The following DPP10 variants were observed in gnomAD, a reference collection of about 807,000 sequenced individuals.
The protein encoded by DPP10 is inactive dipeptidyl peptidase 10.
In DPP10, 33 loss-of-function variants were observed where a neutral mutation model predicts 120.9. The ratio of observed to expected loss-of-function variants is 0.27; its 90% CI spans 0.21 to 0.37. The LOEUF (loss-of-function observed/expected upper bound fraction) is 0.37. DPP10 is among the 10% of genes least tolerant of loss of function. The pLI is 1.00. For synonymous variants in DPP10, 337 were observed against 326.1 expected (o/e 1.03, Z -0.36); for missense variants, 816 against 942.8 (o/e 0.87, Z 1.76).
chr2:115,442,005 GA>G (rs1250965945), intron 3 of DPP10, among the ~76,000 whole-genome samples: 2 of 151,744 alleles, frequency 1.3e-5, no homozygotes, highest in East Asian at 3.9e-4. Flanking sequence ...GTAGAGACGG[GA>G]TTTCACCATG....
At chr2:115,496,511 T>C (rs1053873789) in intron 3 of DPP10, among the ~76,000 whole-genome samples, 1 of 152,190 alleles carries the variant, frequency 6.6e-6, no homozygotes, top group Non-Finnish European at 1.5e-5. Flanking sequence ...GAAATCATGA[T>C]GAATTTTCTT....
chr2:114,516,377 C>T (rs1684596421), intron 1 of DPP10, among the ~76,000 whole-genome samples: 3 of 152,138 alleles, frequency 2.0e-5, no homozygotes, highest in Non-Finnish European at 4.4e-5. Flanking sequence ...TCCATTCTTC[C>T]AGCCAGCTCT....
intron 3 of DPP10, among the ~76,000 whole-genome samples, chr2:115,365,356 C>A (rs552223065): frequency 6.6e-6 from 1 of 151,888 alleles, no homozygotes; most frequent in South Asian, 2.1e-4. Flanking sequence ...CACAGAGGAA[C>A]ATTTTCAAGT....
At chr2:114,630,800 T>C (rs921464412) in intron 1 of DPP10, among the ~76,000 whole-genome samples, 36 of 152,156 alleles carry the variant, frequency 2.4e-4, no homozygotes, top group African/African-American at 8.7e-4. Flanking sequence ...GTAAGGATAC[T>C]GTGTGCCCCC....
At chr2:115,681,221 C>T (rs1228278423) in intron 5 of DPP10, among the ~76,000 whole-genome samples, 8 of 151,580 alleles carry the variant, frequency 5.3e-5, no homozygotes, top group East Asian at 1.9e-4. Flanking sequence ...ATATCCTAAG[C>T]GTATGCAAAA....
At chr2:115,735,851 T>C (rs1158145781) in intron 8 of DPP10, among the ~76,000 whole-genome samples, 2 of 152,010 alleles carry the variant, frequency 1.3e-5, no homozygotes, top group African/African-American at 2.4e-5. Flanking sequence ...TTGTTAATTA[T>C]GTTGTTACAA....
intron 1 of DPP10, among the ~76,000 whole-genome samples, chr2:114,619,427 TGA>T (rs139703236): frequency 0.017 from 2,541 of 149,520 alleles, 38 homozygotes; most frequent in South Asian, 0.042. Flanking sequence ...ACACATATAG[TGA>T]GAGAGCCAGG....
chr2:115,648,612 T>TAAA (rs771052298), intron 5 of DPP10, among the ~76,000 whole-genome samples: 31 of 137,974 alleles, frequency 2.2e-4, no homozygotes, highest in African/African-American at 6.1e-4. Flanking sequence ...CCCCGGAACT[T>TAAA]AAAAAAAAAA....
chr2:115,490,987 TCA>T (rs767132972), intron 3 of DPP10, among the ~76,000 whole-genome samples: 1 of 152,082 alleles, frequency 6.6e-6, no homozygotes, highest in Non-Finnish European at 1.5e-5. Flanking sequence ...GTGTGTTGAC[TCA>T]CACCTGTAGT....
intron 1 of DPP10, among the ~76,000 whole-genome samples, chr2:115,182,235 C>T (rs570707512): frequency 6.6e-6 from 1 of 152,182 alleles, no homozygotes; most frequent in African/African-American, 2.4e-5. Flanking sequence ...AAATATACAG[C>T]TAGACTTCTC....
chr2:115,093,079 A>C (rs76496590), intron 1 of DPP10, among the ~76,000 whole-genome samples: 1 of 152,188 alleles, frequency 6.6e-6, no homozygotes, highest in Non-Finnish European at 1.5e-5. Context: ...GAAATAGTAG[A>C]GATAAGGTGA....
intron 5 of DPP10, among the ~76,000 whole-genome samples, chr2:115,563,243 A>G (rs1477789190): frequency 6.6e-6 from 1 of 152,158 alleles, no homozygotes; most frequent in Non-Finnish European, 1.5e-5. Context: ...GACTCATGGT[A>G]GTCGTCCTCA....
At chr2:115,312,604 T>C (rs2061627773) in intron 2 of DPP10, among the ~76,000 whole-genome samples, 1 of 152,120 alleles carries the variant, frequency 6.6e-6, no homozygotes, top group Admixed American at 6.6e-5. Flanking sequence ...GCTGTGTACG[T>C]CTGTGGTCAG....
chr2:114,605,064 C>T (rs912504514), intron 1 of DPP10, among the ~76,000 whole-genome samples: 1 of 151,980 alleles, frequency 6.6e-6, no homozygotes, highest in Non-Finnish European at 1.5e-5. Flanking sequence ...CAATATCAGT[C>T]CAAATACAGA....
intron 1 of DPP10, among the ~76,000 whole-genome samples, chr2:114,979,380 C>A (rs561646354): frequency 5.4e-4 from 82 of 152,066 alleles, no homozygotes; most frequent in Non-Finnish European, 1.5e-4. Context: ...TGTTTCCTAT[C>A]ATTTTGTTAC....
At chr2:115,769,479 G>C (rs981693449) in intron 13 of DPP10, among the ~76,000 whole-genome samples, 2 of 151,930 alleles carry the variant, frequency 1.3e-5, no homozygotes, top group African/African-American at 4.8e-5. Flanking sequence ...AATTAAAATA[G>C]TTGTCATTGT....
intron 1 of DPP10, among the ~76,000 whole-genome samples, chr2:114,885,260 G>T (rs1161601677): frequency 6.8e-6 from 1 of 146,966 alleles, no homozygotes; most frequent in Admixed American, 6.6e-5. Context: ...GGTGAGAATG[G>T]GGGGGACAGA....
chr2:115,686,715 G>C (rs1452712326), intron 5 of DPP10, among the ~76,000 whole-genome samples: 1 of 151,912 alleles, frequency 6.6e-6, no homozygotes, highest in Non-Finnish European at 1.5e-5. Context: ...GATATCTTAA[G>C]GCCAGCTTCC....
In DPP10 at chr2:114,825,403, A is replaced by G. The variant is rs140744143; in HGVS notation, c.60+382565A>G. Reference sequence around the variant, plus strand: ...GTTGAGTTCTATTTCTTTTACCTTCATGTGCTGGCTGGCTGAGTCACTGGG... The same window carrying G: ...GTTGAGTTCTATTTCTTTTACCTTCGTGTGCTGGCTGGCTGAGTCACTGGG... On this transcript the variant is annotated intron_variant, in intron 1 of 25. Transcript: ENST00000410059. Among the ~76,000 whole-genome samples the G allele has an allele frequency of 8.3e-3, 1,271 of 152,258 alleles. 14 individuals are homozygous for G. Among genetic ancestry groups the G allele is most frequent in the African/African-American group, 0.029 (1,217 of 41,554 alleles).
Sources: allele counts gnomAD v4.1 joint callset (sites outside exome capture counted in the v4.1 genomes callset), GRCh38; gene constraint gnomAD v4.1.1; transcripts MANE v1.5; gene names NCBI Gene and HGNC (gene_info 2026-07-23, HGNC 2026-07-21).